The following MYRF variants were observed in gnomAD, a reference collection of about 807,000 sequenced individuals.
The protein encoded by MYRF is myelin gene regulatory factor.
Under a neutral mutation model 126.3 loss-of-function variants are expected in MYRF, and 16 were observed. The ratio of observed to expected loss-of-function variants is 0.13; its 90% confidence interval spans 0.09 to 0.19. MYRF has a LOEUF of 0.19. Ranked by LOEUF, MYRF falls within the 10% of genes least tolerant of loss-of-function variation. The pLI, the probability that MYRF is intolerant of heterozygous loss-of-function variation, is 1.00. For synonymous variants in MYRF, 608 were observed against 635.3 expected, an observed-to-expected ratio of 0.96 and a Z score of 0.65; for missense variants, 1,104 against 1,547.0, an observed-to-expected ratio of 0.71 and a Z score of 4.80.
chr11:61,760,512 G>A (rs936809966), intron 1 of MYRF, among the ~76,000 whole-genome samples: 3 of 152,226 alleles, frequency 2.0e-5, no homozygotes. Flanking sequence ...TAGCAGCAGA[G>A]TGCTGACCAT....
At chr11:61,781,883 C>A (rs2066562700) in intron 22 of MYRF, 59 bp downstream of exon 22, 1 of 1,467,664 alleles carries the variant, frequency 6.8e-7, no homozygotes, top group Non-Finnish European at 9.0e-7. Context: ...CTGGCCAGGG[C>A]CCACCTCAGC....
Position 61,779,365 on chromosome 11 carries a change from C to T in MYRF, c.2116C>T (p.Leu706=). 2.6e-6 allele frequency: 4 copies of T among 1,551,326 alleles called. No individual in the cohort carries two copies. Among genetic ancestry groups the T allele is most frequent in the Non-Finnish European group, 3.5e-6 (4 of 1,146,936 alleles). Residue 706 remains leucine, a synonymous_variant, in exon 15 of 27, where the codon CTG becomes TTG. Coordinates refer to ENST00000278836, the MANE Select transcript of MYRF (RefSeq NM_001127392.3). ...IDELERWSHK[L]AKLRRLDSLK... ...TGAGCTGGAGCGCTGGAGCCACAAG[C>T]TGGCCAAGCTGCGGCGGCTCGACAG... is the stretch of plus-strand genomic sequence containing the variant.
intron 18 of MYRF, 40 bp downstream of exon 18, chr11:61,780,330 G>A: frequency 6.3e-7 from 1 of 1,580,622 alleles, no homozygotes. Flanking sequence ...CAGGCCAGGT[G>A]GGGCTTTGGT....
At chr11:61,761,264 G>A (rs1248763806) in intron 1 of MYRF, among the ~76,000 whole-genome samples, 2 of 151,584 alleles carry the variant, frequency 1.3e-5, no homozygotes, top group African/African-American at 2.4e-5. Context: ...GCTGGTGGGG[G>A]GGGGGGCACA....
intron 1 of MYRF, among the ~76,000 whole-genome samples, chr11:61,758,345 C>T (rs2299652): frequency 0.021 from 3,233 of 152,320 alleles, 148 homozygotes; most frequent in East Asian, 0.17. Context: ...CTCTCTTCTC[C>T]CTCTATGGCT....
In MYRF at chr11:61,781,855, C is replaced by A. The variant is rs774013959; in HGVS notation, c.3016+31C>A. ...TGCTGCACCCCTGACACTACCCAGC[C>A]CAGCCTGGCAAGGCTCACTGGCCAG... On this transcript the variant is annotated intron_variant, in intron 22 of 26. Transcript: ENST00000278836. 6.0e-6 allele frequency: 9 copies of A among 1,506,150 alleles called. No individual in the cohort carries two copies. The African/African-American group carries it at 1.3e-4, about 21-fold the overall frequency. The allele number at this position is 1,506,150 out of a possible 1,614,324, so 93.3% of individuals were successfully genotyped here.
Position 61,778,329 on chromosome 11 carries a change from G to A in MYRF, c.1904-51G>A, listed in dbSNP as rs745538495. On this transcript the variant is annotated intron_variant, in intron 13 of 26. Transcript: ENST00000278836. This position sits in a 1 kb window ranked among gnomAD's most constrained non-coding sequence, Gnocchi z 4.6. The stretch of plus-strand genomic sequence containing the variant: ...CCCACTGTACATTACAAAGCTGTGA[G>A]TAGCCCTTTACCACCCCCCCACCCA... 1 of 1,202,730 alleles carries A rather than the reference G, an allele frequency of 8.3e-7. No individual in the cohort carries two copies. Among genetic ancestry groups the A allele is most frequent in the South Asian group, 1.2e-5 (1 of 82,762 alleles). 74.5% of individuals were successfully genotyped at this position (1,202,730 alleles called of 1,614,324 possible).
intron 1 of MYRF, chr11:61,755,346 G>A (rs990856224): frequency 7.6e-6 from 12 of 1,588,590 alleles, no homozygotes; most frequent in Middle Eastern, 1.8e-4. Context: ...GTGACCGCCC[G>A]GCTAATCCCC....
At chr11:61,753,838 A>G (rs1206019286) in intron 1 of MYRF, among the ~76,000 whole-genome samples, 2 of 151,954 alleles carry the variant, frequency 1.3e-5, no homozygotes, top group Non-Finnish European at 2.9e-5. Context: ...TTCTGGAGGG[A>G]TGGGACCGCA....
At chr11:61,780,022 G>A (rs1006562081) in intron 17 of MYRF, 92 bp downstream of exon 17, 4 of 1,305,236 alleles carry the variant, frequency 3.1e-6, no homozygotes, top group Non-Finnish European at 4.3e-6. Flanking sequence ...CCTGGGGGAA[G>A]AGGAGGATGT....
rs760563172 is a variant in MYRF, at chr11:61,770,532, C to T, written c.740+7C>T. Reference sequence around the variant, plus strand: ...TGCAGCAGCACGGAGCTGAGTAAGACGTGGGTGGCTGGCTCCATGGGGTGG... The same window carrying T: ...TGCAGCAGCACGGAGCTGAGTAAGATGTGGGTGGCTGGCTCCATGGGGTGG... On this transcript the variant is annotated splice_region_variant and intron_variant, in intron 5 of 26. Coordinates refer to ENST00000278836, the MANE Select transcript of MYRF (RefSeq NM_001127392.3). 9.0e-6 allele frequency: 14 copies of T among 1,548,990 alleles called. No homozygotes were observed. The highest frequency in any genetic ancestry group is 2.4e-5 in the South Asian group (2 of 83,058).
In MYRF at chr11:61,753,729, T is replaced by C. The variant is rs547055200; in HGVS notation, c.46+939T>C. On this transcript the variant is annotated intron_variant, in intron 1 of 26. Coordinates refer to ENST00000278836, the MANE Select transcript of MYRF (RefSeq NM_001127392.3). ...ATCTTCTTCTGCCCCCACCCCTACA[T>C]TGGTTTTGGAGGTCTGCTCCTCCAT... is the stretch of plus-strand genomic sequence containing the variant. Among the ~76,000 whole-genome samples the C allele has an allele frequency of 1.2e-4, 18 of 151,956 alleles. No homozygotes were observed. In the South Asian group the frequency reaches 3.5e-3, roughly 30 times the overall value.
chr11:61,760,470 G>A (rs889218223), intron 1 of MYRF, among the ~76,000 whole-genome samples: 4 of 152,172 alleles, frequency 2.6e-5, no homozygotes, highest in Non-Finnish European at 4.4e-5. Context: ...GCCGAGGCCC[G>A]GAGGCTGGAC....
intron 7 of MYRF, 29 bp from the exon 8 acceptor site, chr11:61,773,938 C>T (rs943337440): frequency 3.2e-6 from 5 of 1,579,728 alleles, no homozygotes; most frequent in Non-Finnish European, 4.3e-6. Flanking sequence ...TCTGGGGCCT[C>T]AGGGGAGTGC....
intron 24 of MYRF, 150 bp from the exon 25 acceptor site, chr11:61,784,130 G>A (rs116017346): frequency 3.0e-5 from 29 of 963,138 alleles, no homozygotes; most frequent in African/African-American, 1.6e-5. Context: ...TGGGATGGTC[G>A]ATGGGAAAGG....
At chr11:61,780,538 G>A (rs1334928950) in intron 18 of MYRF, among the ~76,000 whole-genome samples, 174 bp from the exon 19 acceptor site, 1 of 152,190 alleles carries the variant, frequency 6.6e-6, no homozygotes, top group African/African-American at 2.4e-5. Context: ...CTGCGAGTCA[G>A]GGCTGTCTGA....
In MYRF at chr11:61,776,247, C is replaced by T. The variant is rs2066379043; in HGVS notation, c.1389-75C>T. 1 of 1,560,410 alleles carries T rather than the reference C, an allele frequency of 6.4e-7. No individual in the cohort carries two copies. Among genetic ancestry groups the T allele is most frequent in the Non-Finnish European group, 8.8e-7 (1 of 1,138,066 alleles). On this transcript the variant is annotated intron_variant, in intron 9 of 26. Transcript: ENST00000278836. This position sits in a 1 kb window ranked among gnomAD's most constrained non-coding sequence, Gnocchi z 4.3. ...GTGTCCGCCTCATGTACGTTGCTGG[C>T]CTGGGTGCCCCTCAGTGGCGTGGCT...
At chr11:61,763,787 C>T (rs2065969257) in intron 1 of MYRF, among the ~76,000 whole-genome samples, 1 of 152,100 alleles carries the variant, frequency 6.6e-6, no homozygotes, top group Admixed American at 6.5e-5. Context: ...ATCGCTGGAA[C>T]CTGGGAGGTG....
In MYRF at chr11:61,773,995, G is replaced by A; in HGVS notation, c.1144G>A (p.Asp382Asn). 6.2e-7 allele frequency: 1 copy of A among 1,613,156 alleles called. No homozygotes were observed. Among genetic ancestry groups the A allele is most frequent in the Non-Finnish European group, 8.5e-7 (1 of 1,179,948 alleles). Reference protein sequence around the residue: ...LPMLTYRVDADKGFNFSVGDD... With the variant: ...LPMLTYRVDANKGFNFSVGDD... ...CATGCTCACCTACCGCGTGGATGCG[G>A]ACAAGGGCTTCAACTTTTCGGTGGG... Residue 382 changes from aspartate to asparagine, a missense_variant, in exon 8 of 27, where the codon GAC (aspartate) becomes AAC (asparagine). Physicochemically the swap from Asp to Asn is conservative, Grantham distance 23. Around this residue, in one of 10 missense-constraint regions of MYRF, gnomAD observed 87 missense variants for 129.2 expected, o/e 0.67. Transcript: ENST00000278836.
Sources: allele counts gnomAD v4.1 joint callset (sites outside exome capture counted in the v4.1 genomes callset), GRCh38; gene constraint gnomAD v4.1.1; regional missense constraint gnomAD v4.1.1; non-coding constraint Gnocchi (gnomAD v3.1); transcripts MANE v1.5; gene names NCBI Gene and HGNC (gene_info 2026-07-23, HGNC 2026-07-21).